The following ATP2B2 variants were observed in gnomAD, a reference collection of about 807,000 sequenced individuals.
The protein encoded by ATP2B2 is ATPase plasma membrane Ca2+ transporting 2.
ATP2B2 carries 15 observed loss-of-function variants against 120.0 expected under a neutral mutation model. The observed-to-expected ratio is 0.12, with a 90% CI of 0.08 to 0.19. The LOEUF (loss-of-function observed/expected upper bound fraction) is 0.19, where lower values mean the gene tolerates loss of function less well. Ranked by LOEUF, ATP2B2 falls within the 10% of genes least tolerant of loss-of-function variation. ATP2B2 has a pLI of 1.00. For synonymous variants in ATP2B2, 694 were observed against 700.3 expected (o/e 0.99, Z 0.14); for missense variants, 1,045 against 1,719.8 (o/e 0.61, Z 6.94).
In ATP2B2 at chr3:10,399,272, C is replaced by T. The variant is rs1575120661; in HGVS notation, c.781+1681G>A. Among the ~76,000 whole-genome samples, 4 of 152,314 alleles carry T rather than the reference C, an allele frequency of 2.6e-5. No individual in the cohort carries two copies. In the South Asian group the frequency reaches 6.2e-4, roughly 24 times the overall value. ...CAATTTATTGAAATCTCATGTGGCC[C>T]TATGTTCTAAGAGGTCATTTGGGGC... is the stretch of plus-strand genomic sequence containing the variant. On this transcript the variant is annotated intron_variant, in intron 5 of 22. Coordinates refer to ENST00000360273, the MANE Select transcript of ATP2B2 (RefSeq NM_001001331.4).
chr3:10,449,515 T>C lies in ATP2B2; in HGVS notation c.29A>G (p.Tyr10Cys), dbSNP rs777173772. The C allele has an allele frequency of 6.2e-7, 1 of 1,614,146 alleles. No homozygotes were observed. The highest frequency in any genetic ancestry group is 8.5e-7 in the Non-Finnish European group (1 of 1,180,006). The change falls in exon 2 of 23, where the codon TAC becomes TGC. Residue 10 changes from tyrosine to cysteine, a missense_variant. By Grantham distance (194) the Tyr-to-Cys change is radical. Around this residue, in one of 11 missense-constraint regions of ATP2B2, gnomAD observed 139 missense variants for 134.2 expected, o/e 1.04. Coordinates refer to ENST00000360273, the MANE Select transcript of ATP2B2 (RefSeq NM_001001331.4). ...CGACTCATTTCTTTGGTTTTTGGAGTAAAAGTCGCTGTTGGTCATGTCACC... is the reference window on the plus strand; with the variant it reads ...CGACTCATTTCTTTGGTTTTTGGAGCAAAAGTCGCTGTTGGTCATGTCACC... Reference protein sequence around the residue: MGDMTNSDFYSKNQRNESSH... With the variant: MGDMTNSDFCSKNQRNESSH...
chr3:10,560,964 G>C (rs1402279806), intron 2 of ATP2B2, among the ~76,000 whole-genome samples: 1 of 152,018 alleles, frequency 6.6e-6, no homozygotes, highest in Non-Finnish European at 1.5e-5. Context: ...CTTCTGCCTG[G>C]AACACTCGTG....
At chr3:10,516,384 A>C (rs2066876274) in intron 3 of ATP2B2, among the ~76,000 whole-genome samples, 1 of 152,188 alleles carries the variant, frequency 6.6e-6, no homozygotes, top group Non-Finnish European at 1.5e-5. Flanking sequence ...TGACCCTGGC[A>C]TGGCATTGTC....
At chr3:10,690,420 A>G (rs1390564619) in intron 1 of ATP2B2, among the ~76,000 whole-genome samples, 1 of 146,718 alleles carries the variant, frequency 6.8e-6, no homozygotes, top group Non-Finnish European at 1.5e-5. Context: ...AAAAAACAGA[A>G]TATCTATATC....
At position 10,342,635 on chromosome 3, in the gene ATP2B2, T is replaced by C. The variant is rs961670775; in HGVS notation, c.2917+117A>G. Reference sequence around the variant, plus strand: ...CTTACTTGACCTCCCTGGGCCTCAATTTCCCCATTAGCAAAACAGGAGGGG... The same window carrying C: ...CTTACTTGACCTCCCTGGGCCTCAACTTCCCCATTAGCAAAACAGGAGGGG... On this transcript the variant is annotated intron_variant, in intron 19 of 22. Transcript: ENST00000360273. This position sits in a 1 kb window ranked among gnomAD's most constrained non-coding sequence, Gnocchi z 4.4. The C allele has an allele frequency of 3.9e-6, 5 of 1,290,500 alleles. No individual in the cohort carries two copies. The highest frequency in any genetic ancestry group is 4.4e-6 in the Non-Finnish European group (4 of 912,056). 79.9% of individuals were successfully genotyped at this position (1,290,500 alleles called of 1,614,324 possible).
At chr3:10,444,054 T>C (rs2063754698) in intron 2 of ATP2B2, among the ~76,000 whole-genome samples, 2 of 152,212 alleles carry the variant, frequency 1.3e-5, no homozygotes, top group Admixed American at 1.3e-4. Flanking sequence ...TCTTGCATAC[T>C]CAGGAGTTTT....
intron 1 of ATP2B2, among the ~76,000 whole-genome samples, chr3:10,631,073 G>A (rs968591388): frequency 2.6e-5 from 4 of 152,232 alleles, no homozygotes; most frequent in Non-Finnish European, 4.4e-5. Context: ...GCCCAGCTGC[G>A]TGTCCTGGAG....
At chr3:10,424,821 T>C (rs1559321659) in intron 2 of ATP2B2, among the ~76,000 whole-genome samples, 1 of 152,222 alleles carries the variant, frequency 6.6e-6, no homozygotes, top group South Asian at 2.1e-4. Context: ...ATTCCACTTA[T>C]GTAAAACAGA....
At chr3:10,441,969 G>A (rs576797958) in intron 2 of ATP2B2, among the ~76,000 whole-genome samples, 2 of 152,306 alleles carry the variant, frequency 1.3e-5, no homozygotes, top group East Asian at 1.9e-4. Context: ...TGGGCACATA[G>A]TAGGCACTTA....
At chr3:10,353,254 G>A (rs1343187962) in intron 14 of ATP2B2, among the ~76,000 whole-genome samples, 1 of 152,204 alleles carries the variant, frequency 6.6e-6, no homozygotes, top group Non-Finnish European at 1.5e-5. Flanking sequence ...CTGCTTCAGT[G>A]CCCTTTGTGC....
At chr3:10,478,944 G>T (rs917649754) in intron 1 of ATP2B2, among the ~76,000 whole-genome samples, 4 of 152,112 alleles carry the variant, frequency 2.6e-5, no homozygotes, top group African/African-American at 9.7e-5. Flanking sequence ...AGATCTCATG[G>T]TTTAAAAGTG....
At chr3:10,338,133 GCCCCGGCCAGGCCTGGGCCC>G in intron 22 of ATP2B2, 23 bp downstream of exon 22, 10 of 1,611,436 alleles carry the variant, frequency 6.2e-6, no homozygotes, top group Non-Finnish European at 8.5e-6. Flanking sequence ...CCCCTGGCCC[GCCCCGGCCAGGCCTGGGCCC>G]AGCCCCCAAG....
chr3:10,448,284 G>T (rs958131247), intron 2 of ATP2B2, among the ~76,000 whole-genome samples: 3 of 152,200 alleles, frequency 2.0e-5, no homozygotes, highest in Non-Finnish European at 4.4e-5. Flanking sequence ...GCCCAGCCAC[G>T]CACTAGGCAT....
At chr3:10,439,853 T>TCTTGTGC (rs1439841965) in intron 2 of ATP2B2, among the ~76,000 whole-genome samples, 1 of 151,340 alleles carries the variant, frequency 6.6e-6, no homozygotes, top group African/African-American at 2.4e-5. Flanking sequence ...CCTCCCGGGT[T>TCTTGTGC]CAAGTGATTC....
chr3:10,426,798 G>T (rs1178648743), intron 2 of ATP2B2, among the ~76,000 whole-genome samples: 1 of 148,090 alleles, frequency 6.8e-6, no homozygotes, highest in Non-Finnish European at 1.5e-5. Flanking sequence ...GCTTATTTGA[G>T]GATCAGGAGC....
rs2059847888 is a variant in ATP2B2 at position 10,325,828 on chromosome 3, G to A, written c.*2986C>T. On this transcript the variant is annotated 3_prime_UTR_variant, in exon 23 of 23. Transcript: ENST00000360273. ...TCTGTTGAGGGGGAGACAAGTTGGT[G>A]AGCTTAGCTCTCAGAACCAAATCTG... 1 of 152,212 alleles carries A rather than the reference G, an allele frequency of 6.6e-6. No homozygotes were observed. The highest frequency in any genetic ancestry group is 6.5e-5 in the Admixed American group (1 of 15,282). 9.4% of individuals were successfully genotyped at this position (152,212 alleles called of 1,614,324 possible).
intron 1 of ATP2B2, among the ~76,000 whole-genome samples, chr3:10,632,261 C>A (rs2069885940): frequency 6.6e-6 from 1 of 152,172 alleles, no homozygotes; most frequent in African/African-American, 2.4e-5. Flanking sequence ...ATAAGATTAA[C>A]AACTCTGGTG....
intron 3 of ATP2B2, among the ~76,000 whole-genome samples, chr3:10,520,933 G>A (rs2066973388): frequency 6.6e-6 from 1 of 152,130 alleles, no homozygotes; most frequent in African/African-American, 2.4e-5. Flanking sequence ...CAAGCCCCTT[G>A]CATGTGGCTG....
At chr3:10,345,312 C>T (rs1170256438) in intron 18 of ATP2B2, 72 bp downstream of exon 18, 7 of 1,561,494 alleles carry the variant, frequency 4.5e-6, no homozygotes, top group Non-Finnish European at 8.8e-7. Context: ...CTGGAGTACC[C>T]TAAGGCCCCC....
Sources: allele counts gnomAD v4.1 joint callset (sites outside exome capture counted in the v4.1 genomes callset), GRCh38; gene constraint gnomAD v4.1.1; regional missense constraint gnomAD v4.1.1; non-coding constraint Gnocchi (gnomAD v3.1); transcripts MANE v1.5; gene names NCBI Gene and HGNC (gene_info 2026-07-23, HGNC 2026-07-21).